Variants in EYS observed in about 807,000 individuals in gnomAD.
EYS encodes the protein EGF-like photoreceptor maintenance factor, also known as protein eyes shut homolog.
In EYS, 250 loss-of-function variants were observed where a neutral mutation model predicts 282.1. The ratio of observed to expected loss-of-function variants is 0.89; its 90% CI spans 0.80 to 0.98. The LOEUF (loss-of-function observed/expected upper bound fraction) is 0.98, where lower values mean the gene tolerates loss of function less well. EYS is among the 50% of genes least tolerant of loss of function. EYS has a pLI of 0.00. For synonymous variants in EYS, 1,355 were observed against 1,282.9 expected, an observed-to-expected ratio of 1.06 and a Z score of -1.20; for missense variants, 4,016 against 3,709.0, an observed-to-expected ratio of 1.08 and a Z score of -2.15.
chr6:64,584,438 C>A (rs1048627456), intron 26 of EYS, among the ~76,000 whole-genome samples: 2 of 151,224 alleles, frequency 1.3e-5, no homozygotes, highest in Admixed American at 1.3e-4. Context: ...TAATAATTTT[C>A]TAAAATTGAA....
intron 35 of EYS, among the ~76,000 whole-genome samples, chr6:63,950,044 G>A (rs1016429446): frequency 1.3e-5 from 2 of 152,076 alleles, no homozygotes; most frequent in East Asian, 3.9e-4. Context: ...GTGGTGGCAG[G>A]CACCTGTAAT....
intron 5 of EYS, among the ~76,000 whole-genome samples, chr6:65,431,749 A>G (rs1230973412): frequency 2.0e-5 from 3 of 152,162 alleles, no homozygotes; most frequent in African/African-American, 4.8e-5. Flanking sequence ...CATAATGAAA[A>G]TGAAGAATAA....
At chr6:65,570,109 T>C (rs1300703612) in intron 2 of EYS, among the ~76,000 whole-genome samples, 1 of 143,488 alleles carries the variant, frequency 7.0e-6, no homozygotes, top group Non-Finnish European at 1.5e-5. Context: ...TGTGTGGGGA[T>C]AGGTGGAAAA....
chr6:65,531,885 A>C (rs144817392), intron 2 of EYS, among the ~76,000 whole-genome samples: 1 of 152,288 alleles, frequency 6.6e-6, no homozygotes, highest in African/African-American at 2.4e-5. Context: ...TTTTTAAAAC[A>C]TCTTTCATTA....
chr6:64,112,983 T>C (rs1251462705), intron 31 of EYS, among the ~76,000 whole-genome samples: 2 of 151,874 alleles, frequency 1.3e-5, no homozygotes, highest in Non-Finnish European at 1.5e-5. Context: ...TACAACAATG[T>C]AGAGTTCTGT....
At chr6:65,542,037 T>C (rs1556394) in intron 2 of EYS, among the ~76,000 whole-genome samples, 31,842 of 152,002 alleles carry the variant, frequency 0.21, 3,712 homozygotes, top group East Asian at 0.31. Flanking sequence ...ATTAATAACA[T>C]TTAAATACAA....
chr6:65,409,684 A>T (rs1766899567), intron 5 of EYS, among the ~76,000 whole-genome samples: 1 of 152,162 alleles, frequency 6.6e-6, no homozygotes, highest in Non-Finnish European at 1.5e-5. Flanking sequence ...GTTTTTAGTA[A>T]ACAACATATT....
At chr6:64,676,697 A>G (rs1252938610) in intron 22 of EYS, among the ~76,000 whole-genome samples, 2 of 152,076 alleles carry the variant, frequency 1.3e-5, no homozygotes. Context: ...ACAGATCTGG[A>G]GACAGGGAAG....
intron 29 of EYS, among the ~76,000 whole-genome samples, chr6:64,361,083 C>T (rs1012414675): frequency 6.6e-6 from 1 of 151,624 alleles, no homozygotes; most frequent in Non-Finnish European, 1.5e-5. Context: ...CAAAAAGTGA[C>T]CCTTCCTGGA....
At chr6:64,884,293 T>C (rs1436538281) in intron 19 of EYS, among the ~76,000 whole-genome samples, 1 of 151,594 alleles carries the variant, frequency 6.6e-6, no homozygotes, top group Non-Finnish European at 1.5e-5. Flanking sequence ...TTCCTCTCTA[T>C]CACTAATACC....
intron 1 of EYS, 81 bp downstream of exon 1, chr6:65,707,054 C>T (rs559068348): frequency 6.6e-6 from 1 of 151,938 alleles, no homozygotes; most frequent in South Asian, 2.1e-4. Flanking sequence ...AATTAGAGAT[C>T]TTTGTAGTTG....
At chr6:63,787,509 T>C (rs1213434459) in intron 39 of EYS, 1 of 152,238 alleles carries the variant, frequency 6.6e-6, no homozygotes, top group Admixed American at 6.5e-5. Context: ...ATTTCCCTTT[T>C]CCCATTGAAC....
intron 12 of EYS, among the ~76,000 whole-genome samples, chr6:65,197,087 A>G (rs779822106): frequency 4.6e-5 from 7 of 152,122 alleles, no homozygotes; most frequent in Non-Finnish European, 7.4e-5. Flanking sequence ...GAGAGTAACA[A>G]CAGTAGATGC....
chr6:64,538,220 TA>T (rs1764589568), intron 26 of EYS, among the ~76,000 whole-genome samples: 1 of 152,216 alleles, frequency 6.6e-6, no homozygotes, highest in African/African-American at 2.4e-5. Flanking sequence ...TATGTTGATG[TA>T]CTACCTAATG....
chr6:63,876,516 C>T (rs1045080534), intron 35 of EYS, among the ~76,000 whole-genome samples: 1 of 152,124 alleles, frequency 6.6e-6, no homozygotes, highest in Non-Finnish European at 1.5e-5. Context: ...AGTTCAATTC[C>T]TGGATATCCT....
At chr6:64,498,931 T>G (rs879807135) in intron 26 of EYS, among the ~76,000 whole-genome samples, 6 of 152,176 alleles carry the variant, frequency 3.9e-5, no homozygotes, top group Non-Finnish European at 8.8e-5. Flanking sequence ...CACGTGTGCA[T>G]GTGTATTTAT....
chr6:64,633,579 C>G (rs1339609363), intron 22 of EYS, among the ~76,000 whole-genome samples: 5 of 149,782 alleles, frequency 3.3e-5, no homozygotes, highest in Admixed American at 6.7e-5. Context: ...GCAACTGGGA[C>G]TCAGTCTGAC....
intron 22 of EYS, among the ~76,000 whole-genome samples, chr6:64,761,831 A>G (rs1361414858): frequency 6.6e-6 from 1 of 152,226 alleles, no homozygotes; most frequent in Non-Finnish European, 1.5e-5. Context: ...ATATAGATGT[A>G]TAAAATATCA....
At chr6:64,440,924 T>C (rs185410973) in intron 26 of EYS, among the ~76,000 whole-genome samples, 32 of 152,288 alleles carry the variant, frequency 2.1e-4, no homozygotes, top group Non-Finnish European at 3.8e-4. Flanking sequence ...GAACAGAATA[T>C]ATTTGAGTTA....
Sources: gnomAD v4.1 joint callset for allele counts (sites outside exome capture counted in the v4.1 genomes callset) on GRCh38, gnomAD v4.1.1 for gene constraint, MANE v1.5 for transcripts, NCBI Gene and HGNC (gene_info 2026-07-23, HGNC 2026-07-21) for gene names.